Variants in PRKDC observed in about 807,000 individuals in gnomAD.
PRKDC encodes the protein DNA-dependent protein kinase catalytic subunit.
PRKDC carries 82 observed loss-of-function variants against 486.9 expected under a neutral mutation model. The ratio of observed to expected loss-of-function variants is 0.17; its 90% CI spans 0.14 to 0.20. PRKDC has a LOEUF of 0.20. Among genes scored for constraint, PRKDC ranks in the 10% least tolerant of loss-of-function variants. PRKDC has a pLI of 1.00. For missense variants in PRKDC, 4,504 were observed against 5,038.2 expected (o/e 0.89, Z 3.21); for synonymous variants, 1,895 against 1,837.0 (o/e 1.03, Z -0.81).
Position 47,918,292 on chromosome 8 carries a change from T to A in PRKDC, c.2511A>T (p.Thr837=). The A allele has an allele frequency of 6.3e-7, 1 of 1,583,070 alleles. No homozygotes were observed. Among genetic ancestry groups the A allele is most frequent in the Admixed American group, 1.8e-5 (1 of 55,962 alleles). Residue 837 remains threonine (T), a synonymous_variant, in exon 22 of 86, where the codon ACA becomes ACT. Coordinates refer to ENST00000314191, the MANE Select transcript of PRKDC (RefSeq NM_006904.7). ...NKVVLKHLKK[T]KNLSSNEAIS... Reference sequence around the variant, plus strand: ...GACTTCTTACTGATGAAAGGTTCTTTGTCTTCTTCAGATGCTTTAACACCA... The same window carrying A: ...GACTTCTTACTGATGAAAGGTTCTTAGTCTTCTTCAGATGCTTTAACACCA...
At chr8:47,894,161 G>T (rs1035146583) in intron 30 of PRKDC, among the ~76,000 whole-genome samples, 2 of 151,990 alleles carry the variant, frequency 1.3e-5, no homozygotes, top group African/African-American at 2.4e-5. Context: ...CGCGCCTGTG[G>T]TCTCAGCTAC....
intron 48 of PRKDC, among the ~76,000 whole-genome samples, chr8:47,858,154 A>G (rs2088586888): frequency 6.6e-6 from 1 of 151,902 alleles, no homozygotes; most frequent in Non-Finnish European, 1.5e-5. Context: ...TGTTTTTCAT[A>G]TAGAGTTAAC....
chr8:47,815,426 C>T (rs1379253171), intron 68 of PRKDC, among the ~76,000 whole-genome samples: 1 of 152,116 alleles, frequency 6.6e-6, no homozygotes, highest in Non-Finnish European at 1.5e-5. Flanking sequence ...AATTTTCTTC[C>T]AGTGCATCAG....
At chr8:47,861,148 C>T (rs562437129) in intron 44 of PRKDC, among the ~76,000 whole-genome samples, 177 bp from the exon 45 acceptor site, 1 of 152,244 alleles carries the variant, frequency 6.6e-6, no homozygotes, top group East Asian at 1.9e-4. Flanking sequence ...TTAAGGAAAG[C>T]CCTTCCTGCA....
At chr8:47,796,852 A>G (rs959944283) in intron 73 of PRKDC, among the ~76,000 whole-genome samples, 2 of 152,122 alleles carry the variant, frequency 1.3e-5, no homozygotes, top group Non-Finnish European at 2.9e-5. Context: ...TTGGCCTCCC[A>G]AAGTGGTGAG....
At chr8:47,795,744 C>T (rs1393719679) in intron 73 of PRKDC, among the ~76,000 whole-genome samples, 2 of 152,062 alleles carry the variant, frequency 1.3e-5, no homozygotes, top group Non-Finnish European at 2.9e-5. Context: ...CCACCCGCTT[C>T]GGCCTCCCAA....
chr8:47,778,015 A>G, intron 83 of PRKDC, 141 bp from the exon 84 acceptor site: 1 of 838,078 alleles, frequency 1.2e-6, no homozygotes, highest in Non-Finnish European at 1.9e-6. Flanking sequence ...TCAGCTACAC[A>G]GATGTGAGTT....
chr8:47,852,897 C>T (rs2088442613), intron 51 of PRKDC, 113 bp from the exon 52 acceptor site: 1 of 704,196 alleles, frequency 1.4e-6, no homozygotes, highest in South Asian at 1.8e-5. Context: ...TTGAGGAAAT[C>T]TAAATATAGA....
intron 11 of PRKDC, among the ~76,000 whole-genome samples, chr8:47,936,782 ATTT>A (rs869164665): frequency 2.3e-5 from 3 of 128,648 alleles, no homozygotes; most frequent in African/African-American, 2.8e-5. Context: ...ACGCCTGGCT[ATTT>A]TTTTTTTTTT....
intron 30 of PRKDC, among the ~76,000 whole-genome samples, chr8:47,895,839 GA>G (rs1366992974): frequency 6.6e-6 from 1 of 152,180 alleles, no homozygotes; most frequent in African/African-American, 2.4e-5. Context: ...AGGAGTTTGA[GA>G]CCAGACTGGC....
chr8:47,956,724 A>G (rs758787441), intron 3 of PRKDC, among the ~76,000 whole-genome samples: 3 of 151,746 alleles, frequency 2.0e-5, no homozygotes, highest in Non-Finnish European at 2.9e-5. Context: ...ACAAATAAAC[A>G]ATAAAAATAA....
At chr8:47,889,868 T>G (rs8178094) in intron 32 of PRKDC, among the ~76,000 whole-genome samples, 2 of 152,174 alleles carry the variant, frequency 1.3e-5, no homozygotes, top group Non-Finnish European at 2.9e-5. Context: ...GAAAATAGAT[T>G]GAAAAGTTCC....
chr8:47,775,908 C>T (rs1048936002), intron 85 of PRKDC, among the ~76,000 whole-genome samples: 2 of 151,380 alleles, frequency 1.3e-5, no homozygotes, highest in Non-Finnish European at 2.9e-5. Context: ...CTGCAACCTC[C>T]GCCTCCCCAG....
chr8:47,852,673 GT>G lies in PRKDC; in HGVS notation c.7004del (p.Asn2335ThrfsTer15), dbSNP rs867761278. 2 of 1,550,134 alleles carry G rather than the reference GT, an allele frequency of 1.3e-6. No homozygotes were observed. Among genetic ancestry groups the G allele is most frequent in the South Asian group, 1.2e-5 (1 of 83,112 alleles). On this transcript the variant is annotated frameshift_variant and splice_region_variant, in exon 52 of 86. Transcript: ENST00000314191. LOFTEE classifies it high-confidence loss of function. ...ATTGAAAATTGTGTAGCACACTCAC[GT>G]TTTTTCTCTCCATAACATATCGAAG... ...LILRYVMERK[N>X]ILEESLCELV...
chr8:47,776,773 A>G (rs959046312), intron 85 of PRKDC, 71 bp downstream of exon 85: 4 of 1,552,716 alleles, frequency 2.6e-6, no homozygotes, highest in East Asian at 2.3e-5. Context: ...CACTTTGTAT[A>G]TATGTTGGCT....
rs756301996 is a variant in PRKDC, at chr8:47,885,915, A to C, written c.4776+29T>G. ...TCAAACAAACAAACAAACAAAAAAA[A>C]CAGTTTATTTAAAGGGAAACTTTGT... On this transcript the variant is annotated intron_variant, in intron 36 of 85. Transcript: ENST00000314191. 30 of 1,594,602 alleles carry C rather than the reference A, an allele frequency of 1.9e-5. 1 individual carries two copies. In the South Asian group the frequency reaches 3.1e-4, roughly 16 times the overall value.
chr8:47,836,901 C>T (rs976028534), intron 57 of PRKDC, among the ~76,000 whole-genome samples: 1 of 152,196 alleles, frequency 6.6e-6, no homozygotes, highest in African/African-American at 2.4e-5. Flanking sequence ...CCCAGGAGCT[C>T]CCTGCAACCT....
At chr8:47,910,963 A>G (rs2089890313) in intron 25 of PRKDC, among the ~76,000 whole-genome samples, 1 of 152,246 alleles carries the variant, frequency 6.6e-6, no homozygotes, top group Non-Finnish European at 1.5e-5. Flanking sequence ...TTTATAATTC[A>G]TCAGCTTTTT....
chr8:47,932,228 C>T (rs1466430677), intron 16 of PRKDC, among the ~76,000 whole-genome samples: 4 of 151,990 alleles, frequency 2.6e-5, no homozygotes, highest in Admixed American at 2.0e-4. Flanking sequence ...GGACTACAGG[C>T]GCCCGCCACC....
Sources: allele counts gnomAD v4.1 joint callset (sites outside exome capture counted in the v4.1 genomes callset), GRCh38; gene constraint gnomAD v4.1.1; transcripts MANE v1.5; gene names NCBI Gene and HGNC (gene_info 2026-07-23, HGNC 2026-07-21).